Variants in LRRC63 observed in about 807,000 individuals in gnomAD.
LRRC63 encodes leucine rich repeat containing 63.
Under a neutral mutation model 49.5 loss-of-function variants are expected in LRRC63, and 40 were observed. The observed-to-expected ratio is 0.81, with a 90% CI of 0.63 to 1.05. The LOEUF (loss-of-function observed/expected upper bound fraction) is 1.05, where lower values mean the gene tolerates loss of function less well. LRRC63 is among the 50% of genes least tolerant of loss of function. LRRC63 has a pLI of 0.00. For synonymous variants in LRRC63, 191 were observed against 221.1 expected (o/e 0.86, Z 1.21); for missense variants, 636 against 663.1 (o/e 0.96, Z 0.45).
chr13:46,213,694 A>G (rs185062853), intron 2 of LRRC63, among the ~76,000 whole-genome samples: 52 of 152,332 alleles, frequency 3.4e-4, no homozygotes, highest in African/African-American at 1.2e-3. Context: ...CCTAAGTTCA[A>G]TGTTAACAAA....
intron 5 of LRRC63, among the ~76,000 whole-genome samples, chr13:46,241,786 C>A (rs1297432615): frequency 2.0e-5 from 3 of 151,376 alleles, no homozygotes; most frequent in Admixed American, 1.3e-4. Flanking sequence ...TCACATCAGG[C>A]AGGATAGCAA....
rs1184806750 is a variant in LRRC63, at chr13:46,259,297, T to TA, written c.1227-2606dup. On this transcript the variant is annotated intron_variant, in intron 7 of 9. Coordinates refer to ENST00000595396, the Ensembl canonical transcript of LRRC63. ...GTTCCCAAAGCTTTTGTAGAAAAGA[T>TA]AAAAAAGGGAGAAAAAGGGAGGTGG... 6.6e-5 allele frequency among the ~76,000 whole-genome samples: 10 copies of TA among 150,768 alleles called. No individual in the cohort carries two copies. In the East Asian group the frequency reaches 1.8e-3, roughly 27 times the overall value.
At chr13:46,260,780 A>T (rs376777692) in intron 7 of LRRC63, among the ~76,000 whole-genome samples, 1 of 152,222 alleles carries the variant, frequency 6.6e-6, no homozygotes, top group East Asian at 1.9e-4. Flanking sequence ...TAGCAAATAA[A>T]TGCTGGACCA....
chr13:46,262,019 T>A (rs2047622334), intron 8 of LRRC63, 27 bp downstream of exon 8: 1 of 687,302 alleles, frequency 1.5e-6, no homozygotes, highest in African/African-American at 1.9e-5. Flanking sequence ...CAGAAAGTTA[T>A]ATGCCCCTTA....
At chr13:46,262,402 G>T (rs2047627928) in intron 8 of LRRC63, among the ~76,000 whole-genome samples, 1 of 152,142 alleles carries the variant, frequency 6.6e-6, no homozygotes, top group Non-Finnish European at 1.5e-5. Context: ...TTCTAGGTCA[G>T]TACTATACTG....
chr13:46,266,952 A>C (rs1349334924), exon 9 of LRRC63: 2 of 1,536,688 alleles, frequency 1.3e-6, no homozygotes, highest in Non-Finnish European at 8.8e-7. Flanking sequence ...TCCCAGTAGA[A>C]GTTCAGAAGT....
At chr13:46,212,959 T>C (rs1025354442) in intron 1 of LRRC63, 43 bp from the exon 2 acceptor site, 3 of 961,178 alleles carry the variant, frequency 3.1e-6, no homozygotes, top group East Asian at 5.2e-5. Context: ...TTTTCAACAA[T>C]TCAAACATAT....
chr13:46,253,786 C>T (rs983889102), intron 7 of LRRC63, among the ~76,000 whole-genome samples: 19 of 152,050 alleles, frequency 1.2e-4, no homozygotes, highest in Non-Finnish European at 2.4e-4. Context: ...TGTTTTTAAG[C>T]ACAAGAGTGA....
At position 46,234,361 on chromosome 13, in the gene LRRC63, C is replaced by A. The variant is rs1156239247; in HGVS notation, c.990+12C>A. 6.5e-7 allele frequency: 1 copy of A among 1,547,750 alleles called. No individual in the cohort carries two copies. The highest frequency in any genetic ancestry group is 2.0e-5 in the Admixed American group (1 of 50,800). On this transcript the variant is annotated intron_variant, in intron 5 of 9. Transcript: ENST00000595396. ...CACTTAATCTGAAGGTATGCTAGAT[C>A]TTTTTAATGACAGTGCCCTCCTGTA...
chr13:46,255,132 A>G (rs1208090669), intron 7 of LRRC63, among the ~76,000 whole-genome samples: 1 of 148,902 alleles, frequency 6.7e-6, no homozygotes, highest in African/African-American at 2.6e-5. Flanking sequence ...ATGAGCCTTG[A>G]AAACATTATG....
chr13:46,270,651 G>A (rs866426790), intron 9 of LRRC63: 1 of 789,654 alleles, frequency 1.3e-6, no homozygotes, highest in African/African-American at 1.7e-5. Context: ...AAGCAAAGTG[G>A]GATTCTTGTT....
intron 7 of LRRC63, among the ~76,000 whole-genome samples, chr13:46,256,603 T>C (rs986863120): frequency 5.9e-5 from 9 of 152,220 alleles, no homozygotes; most frequent in African/African-American, 2.2e-4. Context: ...CTATAACTTA[T>C]CCTATGCCTG....
intron 6 of LRRC63, among the ~76,000 whole-genome samples, chr13:46,248,925 A>G (rs2047295397): frequency 6.6e-6 from 1 of 151,880 alleles, no homozygotes; most frequent in African/African-American, 2.4e-5. Context: ...AAAAGGATTG[A>G]AAAATTACAA....
chr13:46,213,107 A>C (rs1270455847), exon 2 of LRRC63: 1 of 1,545,734 alleles, frequency 6.5e-7, no homozygotes, highest in African/African-American at 1.4e-5. Flanking sequence ...ACATGAGAAA[A>C]AAACCCATAC....
chr13:46,258,840 T>C (rs2047568906), intron 7 of LRRC63, among the ~76,000 whole-genome samples: 1 of 151,692 alleles, frequency 6.6e-6, no homozygotes, highest in African/African-American at 2.4e-5. Flanking sequence ...TTGTAAATTA[T>C]TTTTAAAATC....
chr13:46,213,044 C>A, exon 2 of LRRC63: 1 of 1,547,372 alleles, frequency 6.5e-7, no homozygotes, highest in South Asian at 1.2e-5. Flanking sequence ...AATGCAAAAG[C>A]CCCCACTGCT....
chr13:46,220,357 G>T (rs2046369399), intron 2 of LRRC63, among the ~76,000 whole-genome samples: 1 of 152,214 alleles, frequency 6.6e-6, no homozygotes, highest in African/African-American at 2.4e-5. Context: ...TTGCTGAGCT[G>T]CAGTGGGCTC....
intron 2 of LRRC63, among the ~76,000 whole-genome samples, chr13:46,215,495 CT>C (rs1244677799): frequency 4.0e-5 from 6 of 151,584 alleles, no homozygotes; most frequent in Non-Finnish European, 8.8e-5. Flanking sequence ...GTTTAAGTTC[CT>C]TGTAAATTGT....
rs576502177 is a variant in LRRC63, at chr13:46,224,753, G to T, written c.86-2759G>T. 5.9e-4 allele frequency among the ~76,000 whole-genome samples: 90 copies of T among 152,290 alleles called. 1 individual carries two copies. The highest frequency in any genetic ancestry group is 5.7e-3 in the Admixed American group (87 of 15,298). ...ACTTTTTTCTGAAGATGTATCTGTG[G>T]TGTTGGTTGGGTAGGGCACTTTGGC... On this transcript the variant is annotated intron_variant, in intron 2 of 9. Coordinates refer to ENST00000595396, the Ensembl canonical transcript of LRRC63.
Sources: gnomAD v4.1 joint callset for allele counts (sites outside exome capture counted in the v4.1 genomes callset) on GRCh38, gnomAD v4.1.1 for gene constraint, MANE v1.5 for transcripts, NCBI Gene and HGNC (gene_info 2026-07-23, HGNC 2026-07-21) for gene names.